FOXP1: variants seen among roughly 807,000 people sequenced by gnomAD.
The protein encoded by FOXP1 is forkhead box P1.
In FOXP1, 15 loss-of-function variants were observed where a neutral mutation model predicts 98.2. The observed-to-expected ratio is 0.15, with a 90% CI of 0.10 to 0.24. The LOEUF (loss-of-function observed/expected upper bound fraction) is 0.24. FOXP1 is among the 10% of genes least tolerant of loss of function. The pLI, the probability that FOXP1 is intolerant of heterozygous loss-of-function variation, is 1.00. For missense variants in FOXP1, 633 were observed against 848.5 expected (o/e 0.75, Z 3.15); for synonymous variants, 371 against 314.5 (o/e 1.18, Z -1.90).
At chr3:71,497,751 G>T (rs535803266) in intron 2 of FOXP1, among the ~76,000 whole-genome samples, 81 of 152,236 alleles carry the variant, frequency 5.3e-4, no homozygotes, top group African/African-American at 1.9e-3. Context: ...TCCCTGGGAG[G>T]CTCCAGCTGA....
At chr3:71,404,291 C>G (rs1560436547) in intron 3 of FOXP1, among the ~76,000 whole-genome samples, 1 of 151,632 alleles carries the variant, frequency 6.6e-6, no homozygotes, top group Non-Finnish European at 1.5e-5. Flanking sequence ...CCATGCCTGG[C>G]TAATTTTGTA....
At chr3:71,133,347 G>A (rs1471341606) in intron 6 of FOXP1, among the ~76,000 whole-genome samples, 17 of 152,072 alleles carry the variant, frequency 1.1e-4, no homozygotes, top group Admixed American at 1.1e-3. Context: ...TCATTAAAGG[G>A]CCACCATTTT....
chr3:70,975,670 G>C (rs1197671103), intron 17 of FOXP1, among the ~76,000 whole-genome samples: 1 of 152,144 alleles, frequency 6.6e-6, no homozygotes, highest in Non-Finnish European at 1.5e-5. Context: ...TCAAATGTTT[G>C]TTATCACATG....
At chr3:71,092,727 G>C (rs181632829) in intron 7 of FOXP1, among the ~76,000 whole-genome samples, 1 of 152,176 alleles carries the variant, frequency 6.6e-6, no homozygotes, top group Non-Finnish European at 1.5e-5. Flanking sequence ...TCCAGGTCTT[G>C]GGAGTTTTTC....
intron 3 of FOXP1, among the ~76,000 whole-genome samples, chr3:71,424,867 T>G (rs1163547809): frequency 6.6e-6 from 1 of 152,086 alleles, no homozygotes; most frequent in Non-Finnish European, 1.5e-5. Flanking sequence ...TGAAACAACG[T>G]CCAGCCTGGG....
At chr3:71,503,075 G>A (rs2041526261) in intron 2 of FOXP1, among the ~76,000 whole-genome samples, 1 of 150,940 alleles carries the variant, frequency 6.6e-6, no homozygotes. Flanking sequence ...GTTAAGAGAA[G>A]AAAAAAAAGG....
At chr3:71,242,731 C>A in intron 5 of FOXP1, among the ~76,000 whole-genome samples, 1 of 140,976 alleles carries the variant, frequency 7.1e-6, no homozygotes, top group Non-Finnish European at 1.5e-5. Context: ...TGATACACAG[C>A]ATGGCAAGCC....
intron 5 of FOXP1, among the ~76,000 whole-genome samples, chr3:71,227,463 G>A (rs964714572): frequency 6.6e-6 from 1 of 152,164 alleles, no homozygotes; most frequent in Non-Finnish European, 1.5e-5. Context: ...GTCCAGCTTA[G>A]TCTAGAGCTT....
chr3:71,353,978 G>A (rs1577100220), intron 4 of FOXP1, among the ~76,000 whole-genome samples: 1 of 152,076 alleles, frequency 6.6e-6, no homozygotes, highest in South Asian at 2.1e-4. Context: ...TGAATTTTCA[G>A]GACCGACACA....
chr3:71,398,646 G>T (rs769170458), intron 3 of FOXP1, among the ~76,000 whole-genome samples: 3 of 152,052 alleles, frequency 2.0e-5, no homozygotes, highest in Admixed American at 2.0e-4. Flanking sequence ...TCACTCAATT[G>T]TGCCTTCTGT....
chr3:71,132,675 T>G (rs2059630129), intron 6 of FOXP1, among the ~76,000 whole-genome samples: 1 of 152,174 alleles, frequency 6.6e-6, no homozygotes, highest in African/African-American at 2.4e-5. Flanking sequence ...ATTTTTAAAA[T>G]TAGTGCCCCT....
At chr3:71,287,489 T>C (rs2072277588) in intron 5 of FOXP1, among the ~76,000 whole-genome samples, 1 of 150,264 alleles carries the variant, frequency 6.7e-6, no homozygotes, top group Non-Finnish European at 1.5e-5. Context: ...ATAATAATAA[T>C]AGTAATAGGG....
intron 3 of FOXP1, among the ~76,000 whole-genome samples, chr3:71,430,950 G>A (rs1395497868): frequency 6.6e-6 from 1 of 151,968 alleles, no homozygotes; most frequent in East Asian, 1.9e-4. Context: ...TGTACCAATG[G>A]GCCCCTCCAA....
At chr3:71,068,030 G>T (rs2052765529) in intron 7 of FOXP1, among the ~76,000 whole-genome samples, 1 of 150,998 alleles carries the variant, frequency 6.6e-6, no homozygotes, top group South Asian at 2.1e-4. Flanking sequence ...AATACCTGTG[G>T]TGGGGGGGAG....
chr3:70,984,180 T>C (rs1475828077), intron 14 of FOXP1, among the ~76,000 whole-genome samples: 1 of 152,230 alleles, frequency 6.6e-6, no homozygotes, highest in Non-Finnish European at 1.5e-5. Context: ...TTACACATAC[T>C]ACATACGTCC....
At chr3:71,557,712 C>T (rs2046241790) in intron 2 of FOXP1, among the ~76,000 whole-genome samples, 1 of 152,236 alleles carries the variant, frequency 6.6e-6, no homozygotes, top group South Asian at 2.1e-4. Flanking sequence ...GGAAGAATGA[C>T]CAAGATGCTG....
At chr3:71,022,935 C>G (rs1186001438) in intron 11 of FOXP1, among the ~76,000 whole-genome samples, 1 of 152,252 alleles carries the variant, frequency 6.6e-6, no homozygotes. Flanking sequence ...GAAGGAGTAT[C>G]GGTGTCTTCA....
intron 12 of FOXP1, among the ~76,000 whole-genome samples, chr3:71,005,314 T>TTAA (rs756940858): frequency 2.4e-4 from 6 of 25,266 alleles, no homozygotes; most frequent in East Asian, 3.1e-3. Flanking sequence ...ATACCTGATT[T>TTAA]AAAAAAAAAA....
chr3:71,270,460 A>G (rs2070233562), intron 5 of FOXP1, among the ~76,000 whole-genome samples: 1 of 152,208 alleles, frequency 6.6e-6, no homozygotes. Flanking sequence ...GGAGGAGGAG[A>G]GTAATTATCT....
Sources: gnomAD v4.1 joint callset for allele counts (sites outside exome capture counted in the v4.1 genomes callset) on GRCh38, gnomAD v4.1.1 for gene constraint, MANE v1.5 for transcripts, NCBI Gene and HGNC (gene_info 2026-07-23, HGNC 2026-07-21) for gene names.